TMEM108: variants seen among roughly 807,000 people sequenced by gnomAD.
TMEM108 encodes cancer/testis antigen 124.
TMEM108 carries 12 observed loss-of-function variants against 35.1 expected under a neutral mutation model. The observed-to-expected ratio is 0.34, with a 90% CI of 0.22 to 0.55. The LOEUF is 0.55. Among genes scored for constraint, TMEM108 ranks in the 20% least tolerant of loss-of-function variants. The pLI is 0.89. For synonymous variants in TMEM108, 287 were observed against 308.6 expected, an observed-to-expected ratio of 0.93 and a Z score of 0.73; for missense variants, 680 against 753.3, an observed-to-expected ratio of 0.90 and a Z score of 1.14.
chr3:133,228,986 T>C (rs1281033304), intron 2 of TMEM108, among the ~76,000 whole-genome samples: 1 of 152,180 alleles, frequency 6.6e-6, no homozygotes, highest in African/African-American at 2.4e-5. Flanking sequence ...TCATGAGAGA[T>C]TCATAAAAAG....
rs140716646 is a variant in TMEM108, at chr3:133,364,277, G to A, written c.41-15475G>A. Among the ~76,000 whole-genome samples the A allele has an allele frequency of 3.4e-4, 52 of 152,300 alleles. No individual in the cohort carries two copies. In the East Asian group the frequency reaches 9.3e-3, roughly 27 times the overall value. The stretch of plus-strand genomic sequence containing the variant: ...CTCAACTACAACTCCCTGAACAGTA[G>A]GAAGGAAACATTATTTCTTTGTGTG... On this transcript the variant is annotated intron_variant, in intron 3 of 5. Coordinates refer to ENST00000321871, the MANE Select transcript of TMEM108 (RefSeq NM_023943.4).
intron 3 of TMEM108, among the ~76,000 whole-genome samples, chr3:133,281,270 T>A (rs1228043950): frequency 1.3e-5 from 2 of 151,890 alleles, no homozygotes; most frequent in Non-Finnish European, 2.9e-5. Flanking sequence ...AGCGGGAAAA[T>A]GAGAGCCAGG....
chr3:133,352,768 T>C (rs1606508), intron 3 of TMEM108, among the ~76,000 whole-genome samples: 105,778 of 152,082 alleles, frequency 0.7, 37,315 homozygotes, highest in East Asian at 0.94. Context: ...CTAGCACTGT[T>C]ATGTGTTCAG....
chr3:133,212,866 CAA>C (rs61575298), intron 2 of TMEM108, among the ~76,000 whole-genome samples: 1 of 82,624 alleles, frequency 1.2e-5, no homozygotes, highest in Non-Finnish European at 2.3e-5. Context: ...GACTCTGTCT[CAA>C]AAAAAAAAAA....
intron 5 of TMEM108, among the ~76,000 whole-genome samples, chr3:133,392,053 C>T (rs1445493552): frequency 6.6e-6 from 1 of 152,136 alleles, no homozygotes; most frequent in Admixed American, 6.6e-5. Context: ...CTCAGGCTCT[C>T]CCCCAGCTCC....
At chr3:133,052,614 T>C (rs1220952543) in intron 2 of TMEM108, among the ~76,000 whole-genome samples, 2 of 152,068 alleles carry the variant, frequency 1.3e-5, no homozygotes, top group Non-Finnish European at 2.9e-5. Context: ...AACTTCTAGT[T>C]TCTAGTTTCT....
chr3:133,139,283 T>C (rs1944608696), intron 2 of TMEM108, among the ~76,000 whole-genome samples: 1 of 152,188 alleles, frequency 6.6e-6, no homozygotes, highest in African/African-American at 2.4e-5. Context: ...TACCCAGTAA[T>C]GGGATTGCTG....
chr3:133,370,917 T>C (rs564869490), intron 3 of TMEM108, among the ~76,000 whole-genome samples: 5,039 of 136,158 alleles, frequency 0.037, 323 homozygotes, highest in African/African-American at 0.12. Context: ...TGTGTGTGTG[T>C]GTGTGCCAGG....
At chr3:133,187,978 G>A (rs917565602) in intron 2 of TMEM108, among the ~76,000 whole-genome samples, 1 of 151,014 alleles carries the variant, frequency 6.6e-6, no homozygotes, top group African/African-American at 2.4e-5. Context: ...AGCCACTAAA[G>A]GCTGTCTTTT....
At chr3:133,273,982 C>T (rs1946806559) in intron 3 of TMEM108, among the ~76,000 whole-genome samples, 1 of 152,198 alleles carries the variant, frequency 6.6e-6, no homozygotes, top group Non-Finnish European at 1.5e-5. Flanking sequence ...GTCTATTTTA[C>T]TAATGAAGAA....
chr3:133,087,095 G>A (rs1448320099), intron 2 of TMEM108, among the ~76,000 whole-genome samples: 1 of 152,172 alleles, frequency 6.6e-6, no homozygotes, highest in Admixed American at 6.5e-5. Flanking sequence ...GCCACCAGCA[G>A]TTGGGTGCAG....
At position 133,327,325 on chromosome 3, in the gene TMEM108, A is replaced by C. The variant is rs143811128; in HGVS notation, c.41-52427A>C. On this transcript the variant is annotated intron_variant, in intron 3 of 5. Transcript: ENST00000321871. ...ATTAAAGTTTCTTTGTGGTTAATTC[A>C]GGTCCCTGGCCTGGGCCTCATGGTG... Among the ~76,000 whole-genome samples the C allele has an allele frequency of 6.6e-3, 1,012 of 152,334 alleles. 17 individuals carry two copies. Among genetic ancestry groups the C allele is most frequent in the African/African-American group, 0.023 (951 of 41,584 alleles).
chr3:133,312,881 A>G (rs571289132), intron 3 of TMEM108, among the ~76,000 whole-genome samples: 6 of 152,276 alleles, frequency 3.9e-5, no homozygotes, highest in African/African-American at 1.4e-4. Context: ...TCCCTCCTTC[A>G]TTTTATTGTC....
rs71136458 is a variant in TMEM108, at chr3:133,241,609, CTTTTTT to C, written c.40+12276_40+12281del. Among the ~76,000 whole-genome samples, 5 of 76,234 alleles carry C rather than the reference CTTTTTT, an allele frequency of 6.6e-5. No homozygotes were observed. In the South Asian group the frequency reaches 2.0e-3, roughly 30 times the overall value. 50.0% of individuals were successfully genotyped at this position (76,234 alleles called of 152,430 possible). On this transcript the variant is annotated intron_variant, in intron 3 of 5. Transcript: ENST00000321871. ...GAGTGTTTGTATTAGTTTCCTGTGG[CTTTTTT>C]TTTTTTTTTTTTTTTTTGAGACAGA...
intron 3 of TMEM108, among the ~76,000 whole-genome samples, chr3:133,320,133 A>G (rs1273763318): frequency 2.0e-5 from 3 of 152,176 alleles, no homozygotes; most frequent in East Asian, 1.9e-4. Flanking sequence ...TAACACTCCA[A>G]AAAGACCATA....
intron 2 of TMEM108, among the ~76,000 whole-genome samples, chr3:133,089,812 A>G (rs1943926978): frequency 6.6e-6 from 1 of 152,256 alleles, no homozygotes; most frequent in African/African-American, 2.4e-5. Flanking sequence ...AGGTCTGACT[A>G]TCTTGAATAG....
At chr3:133,324,969 C>T (rs2071312507) in intron 3 of TMEM108, among the ~76,000 whole-genome samples, 1 of 152,024 alleles carries the variant, frequency 6.6e-6, no homozygotes, top group Admixed American at 6.6e-5. Flanking sequence ...GAGCAAGACT[C>T]CATCTCAGAA....
intron 4 of TMEM108, among the ~76,000 whole-genome samples, chr3:133,383,497 C>G (rs550420235): frequency 4.4e-4 from 67 of 152,190 alleles, no homozygotes; most frequent in Non-Finnish European, 6.8e-4. Flanking sequence ...AGATATGGGC[C>G]TCCCTCTTTG....
At chr3:133,276,998 C>T (rs16840165) in intron 3 of TMEM108, among the ~76,000 whole-genome samples, 1 of 152,092 alleles carries the variant, frequency 6.6e-6, no homozygotes. Context: ...TTTAGTGCCA[C>T]CCTTTCTAAT....
Sources: allele counts gnomAD v4.1 joint callset (sites outside exome capture counted in the v4.1 genomes callset), GRCh38; gene constraint gnomAD v4.1.1; transcripts MANE v1.5; gene names NCBI Gene and HGNC (gene_info 2026-07-23, HGNC 2026-07-21).